Variants in HS2ST1 observed in about 807,000 individuals in gnomAD.
HS2ST1 encodes heparan sulfate 2-O-sulfotransferase 1.
A neutral mutation model predicts 42.9 loss-of-function variants in HS2ST1; 18 were observed. The ratio of observed to expected loss-of-function variants is 0.42; its 90% CI spans 0.29 to 0.62. The LOEUF is 0.62. Among genes scored for constraint, HS2ST1 ranks in the 20% least tolerant of loss-of-function variants. The pLI is 0.21. For missense variants in HS2ST1, 334 were observed against 433.8 expected (o/e 0.77, Z 2.04); for synonymous variants, 146 against 152.9 (o/e 0.95, Z 0.33).
chr1:87,024,630 G>T (rs1279155020), intron 1 of HS2ST1, among the ~76,000 whole-genome samples: 1 of 152,134 alleles, frequency 6.6e-6, no homozygotes, highest in Non-Finnish European at 1.5e-5. Context: ...CTATGAAATA[G>T]GGATAATTAA....
At chr1:86,930,502 A>G (rs1570428182) in intron 1 of HS2ST1, among the ~76,000 whole-genome samples, 1 of 151,850 alleles carries the variant, frequency 6.6e-6, no homozygotes, top group African/African-American at 2.4e-5. Context: ...CTTAAATTTT[A>G]TTTTGTTTCC....
chr1:87,029,251 T>G (rs1205805819), intron 1 of HS2ST1, among the ~76,000 whole-genome samples: 1 of 152,216 alleles, frequency 6.6e-6, no homozygotes, highest in East Asian at 1.9e-4. Flanking sequence ...GTGCAATGTT[T>G]TAACAGTCAA....
intron 1 of HS2ST1, among the ~76,000 whole-genome samples, chr1:87,072,092 T>C (rs1301186616): frequency 2.0e-5 from 3 of 152,138 alleles, no homozygotes; most frequent in Non-Finnish European, 4.4e-5. Flanking sequence ...AAATAGAGAA[T>C]ACTAGAAAGC....
At position 87,106,282 on chromosome 1, in the gene HS2ST1, A is replaced by G. The variant is rs1177041938; in HGVS notation, c.*1586A>G. 6.6e-6 allele frequency: 1 copy of G among 152,476 alleles called. No individual in the cohort carries two copies. Among genetic ancestry groups the G allele is most frequent in the Non-Finnish European group, 1.5e-5 (1 of 67,952 alleles). 9.4% of individuals were successfully genotyped at this position (152,476 alleles called of 1,614,324 possible). On this transcript the variant is annotated 3_prime_UTR_variant, in exon 7 of 7. Transcript: ENST00000370550. ...ACTATTGAAATATGAAATGCCTGTG[A>G]ACTCTTAAAGCTTCATGAGCAGCTG...
In HS2ST1 at chr1:87,108,368, T is replaced by G. The variant is rs1278659552; in HGVS notation, c.*3672T>G. On this transcript the variant is annotated 3_prime_UTR_variant, in exon 7 of 7. Coordinates refer to ENST00000370550, the MANE Select transcript of HS2ST1 (RefSeq NM_012262.4). Reference sequence around the variant, plus strand: ...TCCTTAAGAGAAGCACCCTGTAACCTTTTATGTGGTTTGCCTTTAAGAGGC... The same window carrying G: ...TCCTTAAGAGAAGCACCCTGTAACCGTTTATGTGGTTTGCCTTTAAGAGGC... The G allele has an allele frequency of 1.3e-5, 2 of 152,094 alleles. No individual in the cohort carries two copies. Among genetic ancestry groups the G allele is most frequent in the Non-Finnish European group, 2.9e-5 (2 of 67,968 alleles). The allele number at this position is 152,094 out of a possible 1,614,324, so 9.4% of individuals were successfully genotyped here. A position where few individuals can be genotyped will look rare whatever the true frequency, so the allele number is the denominator to read the frequency against.
At chr1:87,068,036 C>T (rs952292871) in intron 1 of HS2ST1, among the ~76,000 whole-genome samples, 7 of 152,104 alleles carry the variant, frequency 4.6e-5, no homozygotes, top group African/African-American at 7.2e-5. Context: ...TTAGGATTGT[C>T]TTGGCTATGC....
intron 1 of HS2ST1, among the ~76,000 whole-genome samples, chr1:87,013,714 T>C (rs1028046683): frequency 2.6e-5 from 4 of 152,232 alleles, no homozygotes; most frequent in African/African-American, 9.6e-5. Context: ...TCTGCTGCTT[T>C]TTTAAACTTA....
chr1:87,077,728 C>T (rs547497664), intron 2 of HS2ST1, among the ~76,000 whole-genome samples: 1 of 152,290 alleles, frequency 6.6e-6, no homozygotes, highest in African/African-American at 2.4e-5. Context: ...AGAAACTATA[C>T]ATTTTTTGTT....
In HS2ST1 at chr1:87,047,971, A is replaced by T. The variant is rs1214514971; in HGVS notation, c.125-24963A>T. Among the ~76,000 whole-genome samples, 3 of 152,178 alleles carry T rather than the reference A, an allele frequency of 2.0e-5. No homozygotes were observed. The East Asian group carries it at 5.8e-4, about 29-fold the overall frequency. ...ATTAGTTGGTCAATTCATACCAAAA[A>T]GTGTCCTGGGATTTTGATTGGGATT... On this transcript the variant is annotated intron_variant, in intron 1 of 6. Transcript: ENST00000370550.
intron 2 of HS2ST1, among the ~76,000 whole-genome samples, chr1:87,078,243 T>C (rs534795689): frequency 4.6e-5 from 7 of 152,300 alleles, no homozygotes; most frequent in Admixed American, 4.6e-4. Flanking sequence ...AATATTGAGG[T>C]TGATCTATTA....
intron 1 of HS2ST1, among the ~76,000 whole-genome samples, chr1:86,937,024 G>T (rs1176197430): frequency 1.3e-5 from 2 of 151,484 alleles, no homozygotes; most frequent in Admixed American, 6.6e-5. Context: ...ACAATCGCTT[G>T]AACCCGGGAG....
chr1:87,010,509 C>T (rs1649567780), intron 1 of HS2ST1, among the ~76,000 whole-genome samples: 1 of 151,830 alleles, frequency 6.6e-6, no homozygotes, highest in African/African-American at 2.4e-5. Flanking sequence ...AATATTATTC[C>T]CTCCTTGTTT....
intron 2 of HS2ST1, among the ~76,000 whole-genome samples, chr1:87,075,233 G>A (rs900004627): frequency 4.6e-5 from 6 of 130,866 alleles, no homozygotes; most frequent in Non-Finnish European, 7.7e-5. Flanking sequence ...GCAATGGTGC[G>A]ATCTCGGCTC....
At chr1:86,994,285 C>T (rs951182571) in intron 1 of HS2ST1, among the ~76,000 whole-genome samples, 1 of 152,144 alleles carries the variant, frequency 6.6e-6, no homozygotes, top group African/African-American at 2.4e-5. Context: ...GTTTGTATAG[C>T]TGCAAGATAA....
At chr1:86,921,379 A>AC (rs1239363865) in intron 1 of HS2ST1, among the ~76,000 whole-genome samples, 2 of 151,988 alleles carry the variant, frequency 1.3e-5, no homozygotes, top group Non-Finnish European at 2.9e-5. Context: ...TGATGGACCA[A>AC]CCCTTTTTTT....
rs56401098 is a variant in HS2ST1, at chr1:87,018,132, C to CCACACA, written c.125-54775_125-54770dup. On this transcript the variant is annotated intron_variant, in intron 1 of 6. Coordinates refer to ENST00000370550, the MANE Select transcript of HS2ST1 (RefSeq NM_012262.4). ...TTTACCCTTCAAAGATAAATAAAAG[C>CCACACA]CACACACACACACACACACACACAC... 8.7e-3 allele frequency among the ~76,000 whole-genome samples: 1,295 copies of CCACACA among 149,324 alleles called. 18 individuals carry two copies. The highest frequency in any genetic ancestry group is 0.03 in the African/African-American group (1,209 of 40,446).
At chr1:86,969,853 C>T (rs1469335569) in intron 1 of HS2ST1, among the ~76,000 whole-genome samples, 8 of 152,100 alleles carry the variant, frequency 5.3e-5, no homozygotes, top group East Asian at 3.9e-4. Context: ...GGGCCGGGTG[C>T]GGTGGCTCAC....
chr1:87,005,750 A>G (rs934408154), intron 1 of HS2ST1, among the ~76,000 whole-genome samples: 5 of 152,282 alleles, frequency 3.3e-5, no homozygotes, highest in Non-Finnish European at 5.9e-5. Context: ...TCACATGCCA[A>G]TCCTTGTTCT....
chr1:87,062,065 A>C (rs182240196), intron 1 of HS2ST1, among the ~76,000 whole-genome samples: 2 of 151,900 alleles, frequency 1.3e-5, no homozygotes, highest in African/African-American at 4.8e-5. Flanking sequence ...AGTCATTTGT[A>C]TATCTTCTTT....
Sources: allele counts gnomAD v4.1 joint callset (sites outside exome capture counted in the v4.1 genomes callset), GRCh38; gene constraint gnomAD v4.1.1; transcripts MANE v1.5; gene names NCBI Gene and HGNC (gene_info 2026-07-23, HGNC 2026-07-21).